Variants in SCN3A observed in about 807,000 individuals in gnomAD.
SCN3A encodes sodium channel protein type 3 subunit alpha.
A neutral mutation model predicts 187.6 loss-of-function variants in SCN3A; 60 were observed. The observed-to-expected ratio is 0.32, with a 90% CI of 0.26 to 0.40. The LOEUF is 0.40. SCN3A is among the 10% of genes least tolerant of loss of function. The probability of loss-of-function intolerance (pLI) is 1.00; values close to 1 mark genes in which losing one functional copy is unlikely to be tolerated. For missense variants in SCN3A, 1,601 were observed against 2,428.2 expected, an observed-to-expected ratio of 0.66 and a Z score of 7.16; for synonymous variants, 788 against 829.2, an observed-to-expected ratio of 0.95 and a Z score of 0.85.
intron 9 of SCN3A, among the ~76,000 whole-genome samples, chr2:165,157,387 C>G (rs1689124275): frequency 6.6e-6 from 1 of 152,162 alleles, no homozygotes; most frequent in Non-Finnish European, 1.5e-5. Context: ...ATAGAATACC[C>G]TTCAATTGGG....
Position 165,115,702 on chromosome 2 carries a change from C to G in SCN3A, c.3394-127G>C, listed in dbSNP as rs1325550484. On this transcript the variant is annotated intron_variant, in intron 18 of 27. Coordinates refer to ENST00000283254, the MANE Select transcript of SCN3A (RefSeq NM_006922.4). ...ATTTAACTCTATTAGCATTACTGATCATTATGTACTAATAATTTAACATAA... is the reference window on the plus strand; with the variant it reads ...ATTTAACTCTATTAGCATTACTGATGATTATGTACTAATAATTTAACATAA... 28 of 844,738 alleles carry G rather than the reference C, an allele frequency of 3.3e-5. No homozygotes were observed. The East Asian group carries it at 7.1e-4, about 21-fold the overall frequency. 52.3% of individuals were successfully genotyped at this position (844,738 alleles called of 1,614,324 possible).
At chr2:165,105,884 AT>A (rs1685831196) in intron 21 of SCN3A, among the ~76,000 whole-genome samples, 1 of 152,178 alleles carries the variant, frequency 6.6e-6, no homozygotes, top group African/African-American at 2.4e-5. Flanking sequence ...AAAAAGGATA[AT>A]TTATTTTTAT....
At chr2:165,120,320 G>C (rs1686591006) in intron 18 of SCN3A, among the ~76,000 whole-genome samples, 2 of 151,764 alleles carry the variant, frequency 1.3e-5, no homozygotes, top group South Asian at 4.2e-4. Flanking sequence ...ACCCAAAAAA[G>C]GCCACGAGAC....
chr2:165,094,306 G>A, intron 26 of SCN3A, 68 bp downstream of exon 26: 7 of 1,098,252 alleles, frequency 6.4e-6, no homozygotes, highest in Non-Finnish European at 9.9e-6. Flanking sequence ...TTCTGCTCCA[G>A]AGCATTGCTC....
intron 5 of SCN3A, among the ~76,000 whole-genome samples, chr2:165,165,965 T>C (rs758590795): frequency 1.3e-5 from 2 of 152,214 alleles, no homozygotes; most frequent in Non-Finnish European, 2.9e-5. Context: ...ATATCAAGCT[T>C]ATGTTTACTG....
rs1048577362 is a variant in SCN3A, at chr2:165,091,489, CA to C, written c.4808-145del. The C allele has an allele frequency of 2.8e-6, 3 of 1,069,456 alleles. No individual in the cohort carries two copies. In the African/African-American group the frequency reaches 4.7e-5, roughly 17 times the overall value. 66.2% of individuals were successfully genotyped at this position (1,069,456 alleles called of 1,614,324 possible). On this transcript the variant is annotated intron_variant, in intron 27 of 27. Transcript: ENST00000283254. Reference sequence around the variant, plus strand: ...ATTTGGATCCACTCCCTGACATTAGCAATTACAGATTACAGAGTTTTATTCA... The same window carrying C: ...ATTTGGATCCACTCCCTGACATTAGCATTACAGATTACAGAGTTTTATTCA...
chr2:165,139,856 T>G (rs1270344337), intron 13 of SCN3A: 4 of 479,648 alleles, frequency 8.3e-6, no homozygotes, highest in Non-Finnish European at 1.5e-5. Context: ...TACAGAACTA[T>G]TTTAATTAAC....
chr2:165,139,540 C>T lies in SCN3A; in HGVS notation c.2088G>A (p.Leu696=). The change falls in exon 14 of 28, where the codon CTG becomes CTA. Residue 696 remains leucine (L), a synonymous_variant. Coordinates refer to ENST00000283254, the MANE Select transcript of SCN3A (RefSeq NM_006922.4). The stretch of plus-strand genomic sequence containing the variant: ...CTCTTTGCCTTCCAGAGGAATCCTC[C>T]AGCATCTCCATTGAAATCTGGTAAG... ...LSSYQISMEM[L]EDSSGRQRAV... 2 of 1,613,960 alleles carry T rather than the reference C, an allele frequency of 1.2e-6. No homozygotes were observed. Among genetic ancestry groups the T allele is most frequent in the East Asian group, 2.2e-5 (1 of 44,860 alleles).
intron 1 of SCN3A, among the ~76,000 whole-genome samples, chr2:165,200,279 G>A (rs142659574): frequency 7.6e-4 from 116 of 152,130 alleles, no homozygotes; most frequent in African/African-American, 2.7e-3. Flanking sequence ...TAATATTAAG[G>A]TGCGAATGAA....
At chr2:165,175,887 A>T (rs1401608540) in intron 3 of SCN3A, among the ~76,000 whole-genome samples, 1 of 152,122 alleles carries the variant, frequency 6.6e-6, no homozygotes, top group Non-Finnish European at 1.5e-5. Flanking sequence ...TGACTATCTG[A>T]ATTATCACTG....
Position 165,204,022 on chromosome 2 carries a change from T to C in SCN3A, c.-447A>G, listed in dbSNP as rs1430683116. ...AAACAAAGAGACCTTTCCAGAATCC[T>C]CTCTGCTTATGCCTCCGCTTCCTGT... On this transcript the variant is annotated 5_prime_UTR_variant, in exon 1 of 28. Transcript: ENST00000283254. The C allele has an allele frequency of 4.0e-5, 6 of 148,316 alleles. No homozygotes were observed. The highest frequency in any genetic ancestry group is 1.2e-4 in the African/African-American group (5 of 40,236). The allele number at this position is 148,316 out of a possible 1,614,324, so 9.2% of individuals were successfully genotyped here. A position where few individuals can be genotyped will look rare whatever the true frequency, so the allele number is the denominator to read the frequency against.
At position 165,145,043 on chromosome 2, in the gene SCN3A, C is replaced by G. The variant is rs537629906; in HGVS notation, c.1671+1696G>C. On this transcript the variant is annotated intron_variant, in intron 12 of 27. Transcript: ENST00000283254. ...CTTGAAATTCATTCACCGATTTTAA[C>G]TTAATAAGAGACTTACTCTTTGTCA... is the stretch of plus-strand genomic sequence containing the variant. Among the ~76,000 whole-genome samples, 6 of 152,250 alleles carry G rather than the reference C, an allele frequency of 3.9e-5. 1 individual carries two copies. In the South Asian group the frequency reaches 1.2e-3, roughly 32 times the overall value.
chr2:165,151,243 C>T (rs1257142421), intron 11 of SCN3A, among the ~76,000 whole-genome samples: 1 of 152,080 alleles, frequency 6.6e-6, no homozygotes, highest in Non-Finnish European at 1.5e-5. Flanking sequence ...TGAGAAAGGA[C>T]CTAATGCTAT....
intron 12 of SCN3A, 53 bp downstream of exon 12, chr2:165,146,686 T>G (rs949770617): frequency 6.2e-7 from 1 of 1,603,164 alleles, no homozygotes; most frequent in Non-Finnish European, 8.5e-7. Context: ...ATACAAAAAC[T>G]AAAAAGCAAT....
rs529896467 is a variant in SCN3A, at chr2:165,148,285, C to T, written c.1381-1256G>A. Among the ~76,000 whole-genome samples the T allele has an allele frequency of 2.6e-5, 4 of 152,160 alleles. No individual in the cohort carries two copies. The South Asian group carries it at 8.3e-4, about 32-fold the overall frequency. On this transcript the variant is annotated intron_variant, in intron 11 of 27. Coordinates refer to ENST00000283254, the MANE Select transcript of SCN3A (RefSeq NM_006922.4). ...AGAACTTTATAGAACTTATATTTAA[C>T]TTGCTACAGATAGCAAGTTGACTTT...
intron 5 of SCN3A, among the ~76,000 whole-genome samples, chr2:165,168,499 G>A (rs1689912840): frequency 6.6e-6 from 1 of 151,990 alleles, no homozygotes; most frequent in Non-Finnish European, 1.5e-5. Flanking sequence ...TAGTTTACCA[G>A]AAAGCATATA....
intron 2 of SCN3A, among the ~76,000 whole-genome samples, chr2:165,180,858 T>C (rs1208683266): frequency 6.6e-6 from 1 of 152,136 alleles, no homozygotes; most frequent in Non-Finnish European, 1.5e-5. Flanking sequence ...AGTTTTCAAA[T>C]GTTGTGGTTT....
chr2:165,188,804 CAAAAA>C (rs763003775), intron 1 of SCN3A, among the ~76,000 whole-genome samples: 3 of 72,572 alleles, frequency 4.1e-5, no homozygotes, highest in African/African-American at 4.4e-5. Flanking sequence ...CGCCCCACTT[CAAAAA>C]AAAAAAAAAA....
At chr2:165,193,787 T>C (rs1009819279) in intron 1 of SCN3A, among the ~76,000 whole-genome samples, 3 of 152,144 alleles carry the variant, frequency 2.0e-5, no homozygotes, top group African/African-American at 7.2e-5. Flanking sequence ...TTATCTGCGC[T>C]CCTTTGAGAT....
Sources: allele counts gnomAD v4.1 joint callset (sites outside exome capture counted in the v4.1 genomes callset), GRCh38; gene constraint gnomAD v4.1.1; transcripts MANE v1.5; gene names NCBI Gene and HGNC (gene_info 2026-07-23, HGNC 2026-07-21).